The following EIF3L variants were observed in gnomAD, a reference collection of about 807,000 sequenced individuals.
EIF3L encodes eIEF associated protein HSPC021.
Under a neutral mutation model 74.6 loss-of-function variants are expected in EIF3L, and 32 were observed. That is an observed-to-expected ratio of 0.43 (90% confidence interval 0.32 to 0.58). EIF3L has a LOEUF of 0.58. EIF3L is among the 20% of genes least tolerant of loss of function. EIF3L has a pLI of 0.06. For synonymous variants in EIF3L, 256 were observed against 254.4 expected (o/e 1.01, Z -0.06); for missense variants, 474 against 707.8 (o/e 0.67, Z 3.75).
At chr22:37,868,850 C>G (rs1926323555) in intron 7 of EIF3L, among the ~76,000 whole-genome samples, 1 of 151,822 alleles carries the variant, frequency 6.6e-6, no homozygotes, top group East Asian at 1.9e-4. Context: ...CCATGTTGGT[C>G]AGGCTGGTGT....
intron 2 of EIF3L, among the ~76,000 whole-genome samples, chr22:37,851,040 C>T (rs1165383448): frequency 6.6e-6 from 1 of 152,112 alleles, no homozygotes; most frequent in African/African-American, 2.4e-5. Context: ...TCCTGACTTC[C>T]TAGACTTGGG....
At chr22:37,878,489 A>AT (rs1459556395) in intron 11 of EIF3L, 1 of 194,628 alleles carries the variant, frequency 5.1e-6, no homozygotes, top group African/African-American at 2.4e-5. Context: ...TTGAGATGGA[A>AT]TTTCGCTCTC....
At chr22:37,858,620 A>C in intron 4 of EIF3L, 59 bp from the exon 5 acceptor site, 4 of 1,499,224 alleles carry the variant, frequency 2.7e-6, no homozygotes, top group Non-Finnish European at 3.7e-6. Flanking sequence ...AAAGAGCTAA[A>C]GCTGCCAGGA....
intron 5 of EIF3L, among the ~76,000 whole-genome samples, chr22:37,861,831 A>G (rs1925874276): frequency 6.6e-6 from 1 of 152,102 alleles, no homozygotes. Flanking sequence ...TGGTTTTACC[A>G]CCTCTAATCT....
At chr22:37,880,711 T>C (rs543136457) in intron 11 of EIF3L, 1 of 152,334 alleles carries the variant, frequency 6.6e-6, no homozygotes, top group East Asian at 1.9e-4. Context: ...CCAGGCTAGT[T>C]TCAAGTGATC....
intron 10 of EIF3L, chr22:37,876,946 A>G (rs1444232373): frequency 6.6e-6 from 1 of 152,224 alleles, no homozygotes; most frequent in Admixed American, 6.5e-5. Flanking sequence ...AGTAGGTAGT[A>G]GGAATTGGGT....
chr22:37,868,049 A>G (rs1926253699), intron 7 of EIF3L, among the ~76,000 whole-genome samples: 1 of 149,876 alleles, frequency 6.7e-6, no homozygotes, highest in African/African-American at 2.4e-5. Context: ...GATCATCACT[A>G]TTCTTTGCCT....
intron 7 of EIF3L, among the ~76,000 whole-genome samples, chr22:37,866,499 A>G (rs2145818874): frequency 6.6e-6 from 1 of 152,276 alleles, no homozygotes; most frequent in East Asian, 1.9e-4. Flanking sequence ...TATTTTTTTA[A>G]GTAGAGATGA....
At position 37,868,044 on chromosome 22, in the gene EIF3L, T is replaced by C. The variant is rs182509921; in HGVS notation, c.580-2132T>C. On this transcript the variant is annotated intron_variant, in intron 7 of 12. Transcript: ENST00000652021. ...AATTTTGTTTTCTTTGAAGTGATCA[T>C]CACTATTCTTTGCCTGTTTTCTATT... 2.5e-3 allele frequency among the ~76,000 whole-genome samples: 380 copies of C among 151,692 alleles called. 3 individuals are homozygous for C. Among genetic ancestry groups the C allele is most frequent in the South Asian group, 0.014 (65 of 4,810 alleles).
chr22:37,868,805 G>T (rs192603846), intron 7 of EIF3L, among the ~76,000 whole-genome samples: 20 of 151,928 alleles, frequency 1.3e-4, no homozygotes, highest in Admixed American at 9.8e-4. Context: ...ACTGTACCTG[G>T]CTAGTTTTGC....
chr22:37,875,720 A>T, intron 9 of EIF3L, 121 bp from the exon 10 acceptor site: 1 of 843,684 alleles, frequency 1.2e-6, no homozygotes, highest in Non-Finnish European at 1.8e-6. Flanking sequence ...AAACTCTGGG[A>T]CTCCAGAGCT....
intron 11 of EIF3L, chr22:37,879,493 CAA>C (rs771897693): frequency 7.1e-5 from 9 of 126,776 alleles, no homozygotes; most frequent in Non-Finnish European, 8.5e-5. Flanking sequence ...CACTCCGTCT[CAA>C]AAAAAAAAAA....
intron 8 of EIF3L, 97 bp from the exon 9 acceptor site, chr22:37,874,273 G>A: frequency 3.1e-6 from 4 of 1,275,452 alleles, no homozygotes; most frequent in Non-Finnish European, 4.3e-6. Flanking sequence ...TTTCAAGGCT[G>A]GCAGTAGGTG....
chr22:37,863,403 T>TA lies in EIF3L; in HGVS notation c.579+59dup, dbSNP rs919746060. 1.1e-5 allele frequency: 15 copies of TA among 1,390,912 alleles called. No individual in the cohort carries two copies. The African/African-American group carries it at 1.9e-4, about 17-fold the overall frequency. The allele number at this position is 1,390,912 out of a possible 1,614,324, so 86.2% of individuals were successfully genotyped here. A position where few individuals can be genotyped will look rare whatever the true frequency, so the allele number is the denominator to read the frequency against. On this transcript the variant is annotated intron_variant, in intron 7 of 12. Coordinates refer to ENST00000652021, the MANE Select transcript of EIF3L (RefSeq NM_016091.4). ...ACTGGTCCATGCCAGGAATAGCTGTTACTATTGTTTGTGTAAAAAAGCTGC... is the reference window on the plus strand; with the variant it reads ...ACTGGTCCATGCCAGGAATAGCTGTTAACTATTGTTTGTGTAAAAAAGCTGC...
chr22:37,850,803 C>T (rs1017927319), intron 2 of EIF3L, among the ~76,000 whole-genome samples: 1 of 152,116 alleles, frequency 6.6e-6, no homozygotes, highest in Non-Finnish European at 1.5e-5. Flanking sequence ...TTTGTTTAAT[C>T]CTTACAGCAG....
chr22:37,874,354 T>C lies in EIF3L; in HGVS notation c.752-16T>C. 2 of 1,612,584 alleles carry C rather than the reference T, an allele frequency of 1.2e-6. No individual in the cohort carries two copies. The highest frequency in any genetic ancestry group is 1.7e-6 in the Non-Finnish European group (2 of 1,179,114). On this transcript the variant is annotated splice_polypyrimidine_tract_variant and intron_variant, in intron 8 of 12. Coordinates refer to ENST00000652021, the MANE Select transcript of EIF3L (RefSeq NM_016091.4). ...ACCTGCCTCCTATCAGTATTCACGGTGTCTGTCTCTTTCAGGTGACCCTGA... is the reference window on the plus strand; with the variant it reads ...ACCTGCCTCCTATCAGTATTCACGGCGTCTGTCTCTTTCAGGTGACCCTGA...
intron 7 of EIF3L, among the ~76,000 whole-genome samples, chr22:37,869,298 C>T (rs543072759): frequency 1.3e-5 from 2 of 152,088 alleles, no homozygotes; most frequent in African/African-American, 2.4e-5. Flanking sequence ...CTGGCTAATT[C>T]GTTTGTGTTT....
chr22:37,864,751 C>T (rs1357888956), intron 7 of EIF3L, among the ~76,000 whole-genome samples: 1 of 152,110 alleles, frequency 6.6e-6, no homozygotes, highest in African/African-American at 2.4e-5. Context: ...GTTGACCAGG[C>T]TGGTCTCGAA....
intron 4 of EIF3L, among the ~76,000 whole-genome samples, chr22:37,858,206 A>G (rs1476862431): frequency 9.9e-6 from 1 of 101,408 alleles, no homozygotes; most frequent in Non-Finnish European, 2.1e-5. Context: ...TGAAATTAAT[A>G]TTTTCTTTCT....
Sources: allele counts gnomAD v4.1 joint callset (sites outside exome capture counted in the v4.1 genomes callset), GRCh38; gene constraint gnomAD v4.1.1; transcripts MANE v1.5; gene names NCBI Gene and HGNC (gene_info 2026-07-23, HGNC 2026-07-21).